DCLK1: variants seen among roughly 807,000 people sequenced by gnomAD.
DCLK1 encodes doublecortin like kinase 1.
DCLK1 carries 16 observed loss-of-function variants against 86.2 expected under a neutral mutation model. The ratio of observed to expected loss-of-function variants is 0.19; its 90% CI spans 0.13 to 0.28. The LOEUF (loss-of-function observed/expected upper bound fraction) is 0.28, where lower values mean the gene tolerates loss of function less well. Ranked by LOEUF, DCLK1 falls within the 10% of genes least tolerant of loss-of-function variation. The pLI is 1.00. For synonymous variants in DCLK1, 369 were observed against 370.5 expected (o/e 1.00, Z 0.05); for missense variants, 590 against 940.2 (o/e 0.63, Z 4.87).
intron 15 of DCLK1, among the ~76,000 whole-genome samples, chr13:35,795,500 C>A (rs1026478355): frequency 4.6e-5 from 7 of 152,122 alleles, no homozygotes; most frequent in Non-Finnish European, 8.8e-5. Context: ...GTACATTATC[C>A]AGCTCTTGGT....
intron 6 of DCLK1, chr13:35,848,980 C>G: frequency 1.0e-6 from 1 of 985,288 alleles, no homozygotes; most frequent in Non-Finnish European, 1.2e-6. Context: ...GTTTTAAAAC[C>G]TGAAGTCTGG....
At chr13:35,915,078 T>G (rs1409043575) in intron 4 of DCLK1, among the ~76,000 whole-genome samples, 8 of 152,254 alleles carry the variant, frequency 5.3e-5, no homozygotes, top group Admixed American at 5.2e-4. Flanking sequence ...GAAAGTTAAC[T>G]GCTATTCAGA....
At chr13:35,931,679 T>C (rs984109134) in intron 4 of DCLK1, among the ~76,000 whole-genome samples, 12 of 152,176 alleles carry the variant, frequency 7.9e-5, no homozygotes, top group Non-Finnish European at 1.5e-4. Context: ...TGGGGTAGTC[T>C]TAAAAGAAAC....
chr13:35,922,571 T>C lies in DCLK1; in HGVS notation c.823+24787A>G, dbSNP rs7335108. ...AGAATATTGTGAGGATTGTAGGCAA[T>C]AGCACACAAAAAAAGCACTGCGCAA... On this transcript the variant is annotated intron_variant, in intron 4 of 16. Transcript: ENST00000360631. Among the ~76,000 whole-genome samples the C allele has an allele frequency of 3.6e-3, 549 of 152,280 alleles. 1 individual carries two copies. The highest frequency in any genetic ancestry group is 0.013 in the African/African-American group (521 of 41,548).
At chr13:35,944,149 A>G (rs1877240041) in intron 4 of DCLK1, among the ~76,000 whole-genome samples, 1 of 152,190 alleles carries the variant, frequency 6.6e-6, no homozygotes, top group Admixed American at 6.5e-5. Flanking sequence ...TACAATGGCA[A>G]ATCTTCTCCA....
rs58801666 is a variant in DCLK1, at chr13:35,901,491, CAAAAAAAA to C, written c.824-30159_824-30152del. 2.4e-4 allele frequency among the ~76,000 whole-genome samples: 11 copies of C among 45,878 alleles called. 1 individual carries two copies. The highest frequency in any genetic ancestry group is 4.6e-4 in the Admixed American group (1 of 2,188). The allele number at this position is 45,878 out of a possible 152,430, so 30.1% of individuals were successfully genotyped here. A position where few individuals can be genotyped will look rare whatever the true frequency, so the allele number is the denominator to read the frequency against. The stretch of plus-strand genomic sequence containing the variant: ...GGTGACAGAGTGAGAGACTCTGTCT[CAAAAAAAA>C]AAAAAAAAAAAAAAAAAAGACAGAC... On this transcript the variant is annotated intron_variant, in intron 4 of 16. Coordinates refer to ENST00000360631, the MANE Select transcript of DCLK1 (RefSeq NM_001330071.2).
chr13:35,909,965 C>T (rs916269952), intron 4 of DCLK1, among the ~76,000 whole-genome samples: 14 of 152,166 alleles, frequency 9.2e-5, no homozygotes, highest in Admixed American at 7.2e-4. Flanking sequence ...TCTGTTCTCG[C>T]CCTGCCTCAC....
chr13:35,957,478 A>G (rs2153135873), intron 3 of DCLK1, among the ~76,000 whole-genome samples: 1 of 152,282 alleles, frequency 6.6e-6, no homozygotes. Context: ...GAGAGACTTG[A>G]CACATGATGT....
chr13:35,813,730 CTTT>C (rs35366486), intron 11 of DCLK1, among the ~76,000 whole-genome samples: 14 of 105,426 alleles, frequency 1.3e-4, no homozygotes, highest in African/African-American at 2.9e-4. Context: ...CCCCGCCCCG[CTTT>C]TTTTTTTTTT....
intron 3 of DCLK1, among the ~76,000 whole-genome samples, chr13:35,982,168 A>G (rs1455504833): frequency 6.7e-6 from 1 of 148,722 alleles, no homozygotes; most frequent in Non-Finnish European, 1.5e-5. Context: ...CCAGAAAGGA[A>G]GAGAGTTAAG....
At chr13:35,954,990 A>G (rs147249329) in intron 3 of DCLK1, among the ~76,000 whole-genome samples, 150 of 152,258 alleles carry the variant, frequency 9.9e-4, no homozygotes, top group African/African-American at 2.8e-3. Flanking sequence ...GAAAAAGTCA[A>G]TTATGGAATT....
chr13:35,997,765 C>T (rs1880535051), intron 3 of DCLK1, among the ~76,000 whole-genome samples: 1 of 152,212 alleles, frequency 6.6e-6, no homozygotes, highest in African/African-American at 2.4e-5. Flanking sequence ...AAGTATGCTT[C>T]TCATGGATTA....
intron 3 of DCLK1, among the ~76,000 whole-genome samples, chr13:36,070,241 T>A (rs1883919462): frequency 2.6e-5 from 4 of 152,184 alleles, no homozygotes; most frequent in Admixed American, 2.0e-4. Context: ...ACCATTTGTT[T>A]CTTTTTAACA....
chr13:35,825,942 A>T (rs2087513151), intron 10 of DCLK1, among the ~76,000 whole-genome samples: 1 of 151,762 alleles, frequency 6.6e-6, no homozygotes, highest in Non-Finnish European at 1.5e-5. Context: ...CCTCCCAAGT[A>T]GCTGGGATTA....
At chr13:35,931,490 C>G (rs531704872) in intron 4 of DCLK1, among the ~76,000 whole-genome samples, 1 of 152,228 alleles carries the variant, frequency 6.6e-6, no homozygotes, top group Non-Finnish European at 1.5e-5. Context: ...TTAAAAGAAA[C>G]CTTAATCATG....
intron 3 of DCLK1, among the ~76,000 whole-genome samples, chr13:36,000,936 T>C (rs1391810002): frequency 6.6e-6 from 1 of 150,626 alleles, no homozygotes; most frequent in Non-Finnish European, 1.5e-5. Context: ...CTATAAAAGT[T>C]GTATGCATAA....
intron 3 of DCLK1, among the ~76,000 whole-genome samples, chr13:36,060,612 A>G: frequency 6.6e-6 from 1 of 152,312 alleles, no homozygotes; most frequent in East Asian, 1.9e-4. Context: ...TTGCTGCATC[A>G]TACTTCAGTA....
At chr13:35,906,125 G>A (rs918322668) in intron 4 of DCLK1, among the ~76,000 whole-genome samples, 2 of 152,118 alleles carry the variant, frequency 1.3e-5, no homozygotes, top group African/African-American at 4.8e-5. Flanking sequence ...ACTCTATCCT[G>A]TTCCAAATTA....
chr13:35,769,055 C>T lies in DCLK1; in HGVS notation c.*5480G>A, dbSNP rs888299888. 1 of 152,154 alleles carries T rather than the reference C, an allele frequency of 6.6e-6. No homozygotes were observed. Among genetic ancestry groups the T allele is most frequent in the Non-Finnish European group, 1.5e-5 (1 of 68,028 alleles). 9.4% of individuals were successfully genotyped at this position (152,154 alleles called of 1,614,324 possible). ...ATAAAAACAGGCAACATCAAAAAAG[C>T]TCAGTTGATAAATGAACATAATATA... is the stretch of plus-strand genomic sequence containing the variant. On this transcript the variant is annotated 3_prime_UTR_variant, in exon 17 of 17. Transcript: ENST00000360631.
Sources: allele counts gnomAD v4.1 joint callset (sites outside exome capture counted in the v4.1 genomes callset), GRCh38; gene constraint gnomAD v4.1.1; transcripts MANE v1.5; gene names NCBI Gene and HGNC (gene_info 2026-07-23, HGNC 2026-07-21).